MVB12B: variants seen among roughly 807,000 people sequenced by gnomAD.
MVB12B encodes ESCRT-I complex subunit MVB12B.
A neutral mutation model predicts 41.6 loss-of-function variants in MVB12B; 16 were observed. That is an observed-to-expected ratio of 0.38 (90% CI 0.26 to 0.58). The LOEUF (loss-of-function observed/expected upper bound fraction) is 0.58. Among genes scored for constraint, MVB12B ranks in the 20% least tolerant of loss-of-function variants. MVB12B has a pLI of 0.62. For missense variants in MVB12B, 274 were observed against 380.2 expected (o/e 0.72, Z 2.32); for synonymous variants, 133 against 139.7 (o/e 0.95, Z 0.34).
intron 7 of MVB12B, among the ~76,000 whole-genome samples, chr9:126,437,116 C>A (rs1481235121): frequency 6.6e-6 from 1 of 152,156 alleles, no homozygotes; most frequent in Admixed American, 6.5e-5. Context: ...TTTCTCGAGC[C>A]TTCCCATTGT....
At chr9:126,501,050 C>CAGCACGG in intron 9 of MVB12B, among the ~76,000 whole-genome samples, 1 of 152,354 alleles carries the variant, frequency 6.6e-6, no homozygotes, top group Admixed American at 6.5e-5. Flanking sequence ...GTGCATGTGC[C>CAGCACGG]CAGGCGGCCA....
At chr9:126,411,287 A>G (rs1334260575) in intron 6 of MVB12B, among the ~76,000 whole-genome samples, 1 of 152,038 alleles carries the variant, frequency 6.6e-6, no homozygotes, top group Non-Finnish European at 1.5e-5. Flanking sequence ...GTGATATAGG[A>G]GATTTATGTT....
intron 7 of MVB12B, among the ~76,000 whole-genome samples, chr9:126,472,378 G>T (rs1346712341): frequency 6.6e-6 from 1 of 150,704 alleles, no homozygotes; most frequent in Non-Finnish European, 1.5e-5. Context: ...GTGCAAGCAG[G>T]AATCCAATTT....
At chr9:126,445,021 G>A (rs1429925131) in intron 7 of MVB12B, among the ~76,000 whole-genome samples, 1 of 151,968 alleles carries the variant, frequency 6.6e-6, no homozygotes, top group East Asian at 1.9e-4. Flanking sequence ...TTTTCAGAAT[G>A]TTCCAGGTAA....
chr9:126,479,545 G>A (rs1537989), intron 7 of MVB12B, among the ~76,000 whole-genome samples: 63,419 of 152,090 alleles, frequency 0.42, 13,744 homozygotes, highest in East Asian at 0.7. Context: ...GACGTACTGA[G>A]TGAGATTGTT....
chr9:126,347,427 T>TA (rs961148805), intron 2 of MVB12B, among the ~76,000 whole-genome samples: 1 of 152,194 alleles, frequency 6.6e-6, no homozygotes, highest in Non-Finnish European at 1.5e-5. Context: ...GAACCTTTTT[T>TA]AAAAAAACAA....
intron 7 of MVB12B, among the ~76,000 whole-genome samples, chr9:126,431,700 G>C (rs1337005891): frequency 6.6e-6 from 1 of 152,164 alleles, no homozygotes; most frequent in African/African-American, 2.4e-5. Context: ...GGTTAAATCT[G>C]TGGTCCAGGC....
At chr9:126,499,141 CCTT>C (rs1231653255) in intron 9 of MVB12B, among the ~76,000 whole-genome samples, 3 of 152,194 alleles carry the variant, frequency 2.0e-5, no homozygotes, top group African/African-American at 7.2e-5. Flanking sequence ...GCAGTTGGCA[CCTT>C]CTATCACAGG....
intron 7 of MVB12B, among the ~76,000 whole-genome samples, chr9:126,432,219 A>G (rs1045715848): frequency 6.6e-6 from 1 of 152,194 alleles, no homozygotes; most frequent in African/African-American, 2.4e-5. Context: ...TCCCCCTGAT[A>G]ATTCCCTTCC....
At chr9:126,490,021 GCTGT>G (rs1377899284) in intron 9 of MVB12B, among the ~76,000 whole-genome samples, 1 of 152,188 alleles carries the variant, frequency 6.6e-6, no homozygotes, top group African/African-American at 2.4e-5. Context: ...CAGACAAAAG[GCTGT>G]CTGTGTCCCA....
chr9:126,423,881 G>A (rs967003363), intron 7 of MVB12B, among the ~76,000 whole-genome samples: 3 of 152,184 alleles, frequency 2.0e-5, no homozygotes, highest in African/African-American at 7.2e-5. Flanking sequence ...GTGAAGTTAG[G>A]GTTTCCAATG....
intron 9 of MVB12B, among the ~76,000 whole-genome samples, chr9:126,497,024 G>A (rs1431455242): frequency 4.6e-5 from 7 of 152,184 alleles, no homozygotes; most frequent in East Asian, 1.9e-4. Flanking sequence ...ACTGGGATGC[G>A]GACTAGTAGA....
Position 126,364,052 on chromosome 9 carries a change from C to T in MVB12B, c.205-17012C>T, listed in dbSNP as rs558615746. 1.3e-4 allele frequency among the ~76,000 whole-genome samples: 20 copies of T among 152,312 alleles called. No individual in the cohort carries two copies. In the South Asian group the frequency reaches 4.1e-3, roughly 32 times the overall value. ...CAGGGCCTGGTGCACACATTCTCCACCAGCACACACAGGATGTTTATTGAA... is the reference window on the plus strand; with the variant it reads ...CAGGGCCTGGTGCACACATTCTCCATCAGCACACACAGGATGTTTATTGAA... On this transcript the variant is annotated intron_variant, in intron 2 of 9. Coordinates refer to ENST00000361171, the MANE Select transcript of MVB12B (RefSeq NM_033446.3).
At chr9:126,377,846 T>G (rs1195173834) in intron 2 of MVB12B, among the ~76,000 whole-genome samples, 1 of 152,256 alleles carries the variant, frequency 6.6e-6, no homozygotes, top group East Asian at 1.9e-4. Flanking sequence ...TGATGTAGCC[T>G]GACATCACTT....
intron 7 of MVB12B, among the ~76,000 whole-genome samples, chr9:126,432,123 T>A (rs944135933): frequency 6.6e-6 from 1 of 152,230 alleles, no homozygotes; most frequent in African/African-American, 2.4e-5. Context: ...CCTAAACACA[T>A]GAACACAGAA....
intron 7 of MVB12B, among the ~76,000 whole-genome samples, chr9:126,470,254 A>C (rs970228205): frequency 2.0e-5 from 3 of 152,192 alleles, no homozygotes; most frequent in Admixed American, 1.3e-4. Context: ...GCTGAGGAGT[A>C]ACTCATTGGG....
At chr9:126,370,668 C>T (rs1226183727) in intron 2 of MVB12B, among the ~76,000 whole-genome samples, 1 of 152,122 alleles carries the variant, frequency 6.6e-6, no homozygotes, top group Admixed American at 6.5e-5. Context: ...AGGTGTGAGT[C>T]ACCGCGCCTG....
At position 126,340,447 on chromosome 9, in the gene MVB12B, A is replaced by T; in HGVS notation, c.82-61A>T. The T allele has an allele frequency of 1.9e-6, 3 of 1,595,880 alleles. No homozygotes were observed. The highest frequency in any genetic ancestry group is 2.6e-6 in the Non-Finnish European group (3 of 1,167,312). Reference sequence around the variant, plus strand: ...AGATTCTGGTTCTGTTTGAGACTTTATATTATTCACATAAATGCTATGTTT... The same window carrying T: ...AGATTCTGGTTCTGTTTGAGACTTTTTATTATTCACATAAATGCTATGTTT... On this transcript the variant is annotated intron_variant, in intron 1 of 9. Transcript: ENST00000361171. This position sits in a 1 kb window ranked among gnomAD's most constrained non-coding sequence, Gnocchi z 4.0.
At chr9:126,471,022 G>A (rs1001729431) in intron 7 of MVB12B, among the ~76,000 whole-genome samples, 8 of 152,168 alleles carry the variant, frequency 5.3e-5, no homozygotes, top group Non-Finnish European at 1.2e-4. Context: ...TGCAGTCCAG[G>A]TATTATTATT....
Sources: allele counts gnomAD v4.1 joint callset (sites outside exome capture counted in the v4.1 genomes callset), GRCh38; gene constraint gnomAD v4.1.1; non-coding constraint Gnocchi (gnomAD v3.1); transcripts MANE v1.5; gene names NCBI Gene and HGNC (gene_info 2026-07-23, HGNC 2026-07-21).